EPB41L4B: variants seen among roughly 807,000 people sequenced by gnomAD.
EPB41L4B encodes erythrocyte membrane protein band 4.1 like 4B, also known as band 4.1-like protein 4B.
Under a neutral mutation model 112.5 loss-of-function variants are expected in EPB41L4B, and 30 were observed. The observed-to-expected ratio is 0.27, with a 90% CI of 0.20 to 0.36. The LOEUF (loss-of-function observed/expected upper bound fraction) is 0.36, where lower values mean the gene tolerates loss of function less well. Ranked by LOEUF, EPB41L4B falls within the 10% of genes least tolerant of loss-of-function variation. The probability of loss-of-function intolerance (pLI) is 1.00; values close to 1 mark genes in which losing one functional copy is unlikely to be tolerated. For synonymous variants in EPB41L4B, 408 were observed against 439.7 expected (o/e 0.93, Z 0.90); for missense variants, 1,024 against 1,133.3 (o/e 0.90, Z 1.38).
intron 1 of EPB41L4B, among the ~76,000 whole-genome samples, chr9:109,298,170 A>T (rs1472377358): frequency 6.6e-6 from 1 of 152,136 alleles, no homozygotes; most frequent in Non-Finnish European, 1.5e-5. Flanking sequence ...ATTTATACAG[A>T]TTATCAAGAT....
At chr9:109,238,497 CA>C (rs1263615724) in intron 15 of EPB41L4B, among the ~76,000 whole-genome samples, 1 of 152,134 alleles carries the variant, frequency 6.6e-6, no homozygotes, top group Non-Finnish European at 1.5e-5. Flanking sequence ...TGGAATAATC[CA>C]TTTGCTGAGC....
intron 2 of EPB41L4B, among the ~76,000 whole-genome samples, chr9:109,274,970 C>T (rs1835757175): frequency 6.6e-6 from 1 of 152,234 alleles, no homozygotes; most frequent in Admixed American, 6.5e-5. Flanking sequence ...AGGCCTGAGC[C>T]CTTGGCTCTC....
chr9:109,197,210 G>T (rs1023292598), intron 20 of EPB41L4B, among the ~76,000 whole-genome samples: 11 of 152,104 alleles, frequency 7.2e-5, no homozygotes, highest in African/African-American at 2.4e-4. Flanking sequence ...ATCACCTGAG[G>T]TCAGGAGTTC....
intron 2 of EPB41L4B, among the ~76,000 whole-genome samples, chr9:109,268,991 G>A (rs1835513969): frequency 6.6e-6 from 1 of 151,794 alleles, no homozygotes; most frequent in African/African-American, 2.4e-5. Flanking sequence ...ACAAAGTGGT[G>A]CCTGAAAGAA....
intron 1 of EPB41L4B, chr9:109,300,693 G>A (rs1836928011): frequency 6.6e-6 from 1 of 152,172 alleles, no homozygotes; most frequent in South Asian, 2.1e-4. Context: ...GGCTGAGGTA[G>A]GAGAATCGCT....
intron 2 of EPB41L4B, among the ~76,000 whole-genome samples, chr9:109,271,045 T>C (rs1344997501): frequency 2.0e-5 from 3 of 152,238 alleles, no homozygotes; most frequent in Non-Finnish European, 4.4e-5. Context: ...CTTCTCGAAA[T>C]TGCTGTTTGG....
At chr9:109,278,437 C>T (rs4978791) in intron 2 of EPB41L4B, among the ~76,000 whole-genome samples, 137,569 of 152,214 alleles carry the variant, frequency 0.9, 62,260 homozygotes, top group Middle Eastern at 0.97. Flanking sequence ...CCGAAGGACT[C>T]AGCATGTCAC....
At chr9:109,297,535 G>A (rs1399240467) in intron 1 of EPB41L4B, among the ~76,000 whole-genome samples, 1 of 152,228 alleles carries the variant, frequency 6.6e-6, no homozygotes, top group Non-Finnish European at 1.5e-5. Flanking sequence ...AGGATGAAAT[G>A]AGAACCAGTG....
At chr9:109,195,446 C>T (rs1190008301) in intron 20 of EPB41L4B, among the ~76,000 whole-genome samples, 1 of 152,042 alleles carries the variant, frequency 6.6e-6, no homozygotes, top group African/African-American at 2.4e-5. Context: ...ACTTAGGGCT[C>T]ATTACTAAAA....
chr9:109,247,936 T>C (rs1834623735), intron 13 of EPB41L4B, 147 bp from the exon 14 acceptor site: 2 of 503,328 alleles, frequency 4.0e-6, no homozygotes, highest in African/African-American at 4.0e-5. Context: ...TTTTTTTGGT[T>C]ATTGGCTGTT....
intron 20 of EPB41L4B, among the ~76,000 whole-genome samples, chr9:109,199,818 C>G (rs924051109): frequency 2.0e-5 from 3 of 152,134 alleles, no homozygotes; most frequent in Non-Finnish European, 4.4e-5. Context: ...TGAGGGCATC[C>G]TCTGTCCAAG....
intron 2 of EPB41L4B, among the ~76,000 whole-genome samples, chr9:109,276,316 G>T (rs1000611002): frequency 6.6e-6 from 1 of 151,620 alleles, no homozygotes; most frequent in Non-Finnish European, 1.5e-5. Context: ...GGTGAGGGGG[G>T]GGTCATCTGA....
chr9:109,277,142 G>A (rs1242290957), intron 2 of EPB41L4B, among the ~76,000 whole-genome samples: 1 of 152,088 alleles, frequency 6.6e-6, no homozygotes, highest in East Asian at 1.9e-4. Flanking sequence ...AGACACACAG[G>A]AGAAGGCAGA....
chr9:109,309,197 G>A (rs943424276), intron 1 of EPB41L4B, among the ~76,000 whole-genome samples: 2 of 152,134 alleles, frequency 1.3e-5, no homozygotes, highest in East Asian at 3.9e-4. Context: ...GACTACTTAG[G>A]GTCCATATAT....
intron 18 of EPB41L4B, among the ~76,000 whole-genome samples, chr9:109,206,950 T>A (rs2118779071): frequency 6.6e-6 from 1 of 152,310 alleles, no homozygotes; most frequent in South Asian, 2.1e-4. Context: ...TGAATACAAT[T>A]TGCAGTTTTC....
intron 1 of EPB41L4B, among the ~76,000 whole-genome samples, chr9:109,283,042 T>A (rs1484504574): frequency 6.6e-6 from 1 of 152,156 alleles, no homozygotes; most frequent in East Asian, 1.9e-4. Flanking sequence ...ATAGAGGGGA[T>A]ACCTACAGAT....
chr9:109,256,936 T>C (rs1474498707), intron 7 of EPB41L4B, among the ~76,000 whole-genome samples: 1 of 152,128 alleles, frequency 6.6e-6, no homozygotes, highest in Non-Finnish European at 1.5e-5. Context: ...GCAACAAGAC[T>C]GAAACTCCAT....
intron 1 of EPB41L4B, among the ~76,000 whole-genome samples, chr9:109,291,122 C>T (rs1214818624): frequency 2.0e-5 from 3 of 152,122 alleles, no homozygotes; most frequent in Non-Finnish European, 4.4e-5. Flanking sequence ...GACTGAGCCT[C>T]AGGGAAATTA....
At chr9:109,274,493 C>A (rs1360926524) in intron 2 of EPB41L4B, among the ~76,000 whole-genome samples, 1 of 152,190 alleles carries the variant, frequency 6.6e-6, no homozygotes, top group East Asian at 1.9e-4. Context: ...GGACTGAATA[C>A]ACCGTAGTTC....
Sources: allele counts gnomAD v4.1 joint callset (sites outside exome capture counted in the v4.1 genomes callset), GRCh38; gene constraint gnomAD v4.1.1; transcripts MANE v1.5; gene names NCBI Gene and HGNC (gene_info 2026-07-23, HGNC 2026-07-21).